The following RAD51B variants were observed in gnomAD, a reference collection of about 807,000 sequenced individuals.
RAD51B encodes DNA repair protein RAD51 homolog 2.
Under a neutral mutation model 42.2 loss-of-function variants are expected in RAD51B, and 38 were observed. The ratio of observed to expected loss-of-function variants is 0.90; its 90% CI spans 0.70 to 1.18. The LOEUF is 1.18. RAD51B is among the 50% of genes most tolerant of loss of function. RAD51B has a pLI of 0.00. For synonymous variants in RAD51B, 154 were observed against 145.2 expected, an observed-to-expected ratio of 1.06 and a Z score of -0.43; for missense variants, 373 against 400.7, an observed-to-expected ratio of 0.93 and a Z score of 0.59.
chr14:68,625,571 C>A (rs1159938297), intron 10 of RAD51B, among the ~76,000 whole-genome samples: 1 of 152,188 alleles, frequency 6.6e-6, no homozygotes, highest in Non-Finnish European at 1.5e-5. Flanking sequence ...CTCCCAGACC[C>A]AAGCCATCCT....
chr14:68,022,448 C>T (rs1287866761), intron 7 of RAD51B, among the ~76,000 whole-genome samples: 2 of 152,112 alleles, frequency 1.3e-5, no homozygotes, highest in African/African-American at 4.8e-5. Flanking sequence ...GGTATATCCC[C>T]AGTATTGGGA....
chr14:68,242,227 T>G (rs1409135066), intron 7 of RAD51B, among the ~76,000 whole-genome samples: 1 of 152,210 alleles, frequency 6.6e-6, no homozygotes, highest in South Asian at 2.1e-4. Flanking sequence ...TCCATCCTGT[T>G]TGCCCAGAAT....
At chr14:68,364,498 G>A (rs1011102420) in intron 8 of RAD51B, among the ~76,000 whole-genome samples, 3 of 152,220 alleles carry the variant, frequency 2.0e-5, no homozygotes, top group Admixed American at 6.5e-5. Context: ...ACCGCCGGGC[G>A]CGGTGGAGGG....
rs552847226 is a variant in RAD51B at position 67,885,035 on chromosome 14, C to T, written c.453-834C>T. On this transcript the variant is annotated intron_variant, in intron 5 of 10. Transcript: ENST00000471583. ...TATAGGATGCTTTTTGAGTTTACAG[C>T]CTCTCCTCCCAGTTCCCCTGGGATG... 7.2e-5 allele frequency among the ~76,000 whole-genome samples: 11 copies of T among 152,260 alleles called. No homozygotes were observed. The South Asian group carries it at 2.3e-3, about 32-fold the overall frequency.
chr14:68,440,366 A>G (rs575239144), intron 9 of RAD51B, among the ~76,000 whole-genome samples: 87 of 152,358 alleles, frequency 5.7e-4, no homozygotes, highest in Non-Finnish European at 8.2e-4. Context: ...TGCTATCTGA[A>G]TGCATTCATC....
In RAD51B at chr14:68,540,105, A is replaced by C. The variant is rs900547043; in HGVS notation, c.1037-54380A>C. 7 of 814,768 alleles carry C rather than the reference A, an allele frequency of 8.6e-6. No homozygotes were observed. In the African/African-American group the frequency reaches 1.3e-4, roughly 15 times the overall value. 50.5% of individuals were successfully genotyped at this position (814,768 alleles called of 1,614,324 possible). On this transcript the variant is annotated intron_variant, in intron 10 of 10. Coordinates refer to the RAD51B transcript ENST00000487270. ...GGGACAGAGAGAAGCCACTGGACAG[A>C]GCTGCCCATGCTCAGCCCCTTCCAA...
chr14:68,040,735 T>A (rs79017034), intron 7 of RAD51B, among the ~76,000 whole-genome samples: 1 of 152,098 alleles, frequency 6.6e-6, no homozygotes, highest in African/African-American at 2.4e-5. Flanking sequence ...CTGGGTAAGG[T>A]CCATATGAGC....
At chr14:67,829,332 T>A (rs1426602356) in intron 3 of RAD51B, among the ~76,000 whole-genome samples, 1 of 152,020 alleles carries the variant, frequency 6.6e-6, no homozygotes, top group African/African-American at 2.4e-5. Flanking sequence ...AAGCTCTGCC[T>A]CCTGGGTTCA....
At chr14:68,210,335 A>G (rs757087020) in intron 7 of RAD51B, among the ~76,000 whole-genome samples, 5 of 152,160 alleles carry the variant, frequency 3.3e-5, no homozygotes, top group Non-Finnish European at 7.4e-5. Flanking sequence ...TGGGATGACA[A>G]TTTTTATACA....
intron 7 of RAD51B, among the ~76,000 whole-genome samples, chr14:68,097,064 C>T (rs973881983): frequency 6.6e-6 from 1 of 152,078 alleles, no homozygotes; most frequent in African/African-American, 2.4e-5. Flanking sequence ...TTGTTTTTCT[C>T]CTTTATTTTA....
chr14:68,329,287 C>A (rs1212876524), intron 8 of RAD51B, among the ~76,000 whole-genome samples: 1 of 152,188 alleles, frequency 6.6e-6, no homozygotes, highest in Non-Finnish European at 1.5e-5. Context: ...GAATTACAGG[C>A]ATGAGCTACC....
At chr14:67,851,553 G>T (rs556865578) in intron 4 of RAD51B, among the ~76,000 whole-genome samples, 28 of 152,200 alleles carry the variant, frequency 1.8e-4, no homozygotes, top group Admixed American at 1.6e-3. Context: ...CTCTCTGAAG[G>T]GTAGCTGCTG....
downstream of RAD51B, among the ~76,000 whole-genome samples, chr14:68,613,644 T>C (rs147263258): frequency 0.018 from 2,689 of 151,926 alleles, 57 homozygotes; most frequent in African/African-American, 0.051. Context: ...TTAGTAGAGA[T>C]GGGGTTTCAC....
rs182192221 is a variant in RAD51B, at chr14:67,944,312, T to C, written c.756+57108T>C. The stretch of plus-strand genomic sequence containing the variant: ...GTCACTTGGAAAGTATTAGTTGTTT[T>C]AAGCCACAAATATATAAGGAAGTTA... On this transcript the variant is annotated intron_variant, in intron 7 of 10. Transcript: ENST00000471583. Among the ~76,000 whole-genome samples, 162 of 152,152 alleles carry C rather than the reference T, an allele frequency of 1.1e-3. 2 individuals carry two copies. Among genetic ancestry groups the C allele is most frequent in the Non-Finnish European group, 1.2e-3 (81 of 68,002 alleles).
intron 10 of RAD51B, among the ~76,000 whole-genome samples, chr14:68,646,885 T>C (rs1021488771): frequency 3.9e-5 from 6 of 152,180 alleles, no homozygotes; most frequent in African/African-American, 1.4e-4. Flanking sequence ...AAAAATCTAT[T>C]TTCCTTAAAA....
At chr14:68,638,608 C>T (rs1049462704) in intron 10 of RAD51B, among the ~76,000 whole-genome samples, 1 of 151,208 alleles carries the variant, frequency 6.6e-6, no homozygotes, top group African/African-American at 2.4e-5. Flanking sequence ...GAGCTGGCAT[C>T]CACTTTGTAC....
At chr14:68,194,733 G>A (rs145796437) in intron 7 of RAD51B, among the ~76,000 whole-genome samples, 76 of 152,334 alleles carry the variant, frequency 5.0e-4, no homozygotes, top group African/African-American at 1.8e-3. Flanking sequence ...AGATATGACA[G>A]TGTGGTAAAA....
At chr14:68,515,594 G>A (rs1886087500) in intron 10 of RAD51B, among the ~76,000 whole-genome samples, 2 of 150,124 alleles carry the variant, frequency 1.3e-5, no homozygotes, top group Non-Finnish European at 3.0e-5. Flanking sequence ...GACTACAGGT[G>A]TGCACCACCA....
intron 7 of RAD51B, among the ~76,000 whole-genome samples, chr14:68,237,732 CTTTTTTTT>C (rs57490316): frequency 1.2e-4 from 9 of 74,096 alleles, no homozygotes; most frequent in South Asian, 7.8e-4. Flanking sequence ...TTTCATTTCT[CTTTTTTTT>C]TTTTTTTTTT....
Sources: allele counts gnomAD v4.1 joint callset (sites outside exome capture counted in the v4.1 genomes callset), GRCh38; gene constraint gnomAD v4.1.1; transcripts MANE v1.5; gene names NCBI Gene and HGNC (gene_info 2026-07-23, HGNC 2026-07-21).